ERN2: variants seen among roughly 807,000 people sequenced by gnomAD.
ERN2 encodes the protein serine/threonine-protein kinase/endoribonuclease IRE2.
ERN2 carries 111 observed loss-of-function variants against 107.9 expected under a neutral mutation model. The ratio of observed to expected loss-of-function variants is 1.03; its 90% CI spans 0.88 to 1.20. The LOEUF (loss-of-function observed/expected upper bound fraction) is 1.20, where lower values mean the gene tolerates loss of function less well. Among genes scored for constraint, ERN2 ranks in the 50% most tolerant of loss-of-function variants. The pLI, the probability that ERN2 is intolerant of heterozygous loss-of-function variation, is 0.00. For synonymous variants in ERN2, 524 were observed against 501.7 expected (o/e 1.04, Z -0.59); for missense variants, 1,225 against 1,197.9 (o/e 1.02, Z -0.33).
chr16:23,707,147 G>T, intron 4 of ERN2, 68 bp from the exon 5 acceptor site: 1 of 1,110,654 alleles, frequency 9.0e-7, no homozygotes, highest in Non-Finnish European at 1.4e-6. Flanking sequence ...TGCCAGGTGA[G>T]CCCATTTCCA....
Position 23,706,879 on chromosome 16 carries a change from G to A in ERN2, c.380-18C>T. On this transcript the variant is annotated intron_variant, in intron 5 of 21. Coordinates refer to ENST00000256797, the MANE Select transcript of ERN2 (RefSeq NM_033266.4). Reference sequence around the variant, plus strand: ...CTTCCGGCCTGTGGAGGTGGAAAGTGTGTTAGCTCTCAAGTTGGCATGGGA... The same window carrying A: ...CTTCCGGCCTGTGGAGGTGGAAAGTATGTTAGCTCTCAAGTTGGCATGGGA... 1 of 1,604,098 alleles carries A rather than the reference G, an allele frequency of 6.2e-7. No individual in the cohort carries two copies. The highest frequency in any genetic ancestry group is 1.3e-5 in the African/African-American group (1 of 74,858).
intron 17 of ERN2, among the ~76,000 whole-genome samples, chr16:23,693,965 C>T (rs1461744103): frequency 6.6e-6 from 1 of 152,108 alleles, no homozygotes; most frequent in Non-Finnish European, 1.5e-5. Context: ...GTAAAAATCA[C>T]GGGGTGTGGG....
chr16:23,702,822 C>G (rs1960145112), intron 8 of ERN2, 120 bp from the exon 9 acceptor site: 2 of 859,918 alleles, frequency 2.3e-6, no homozygotes, highest in Non-Finnish European at 3.8e-6. Flanking sequence ...AGCCATGAGA[C>G]TTGCTTTAAT....
rs953999430 is a variant in ERN2, at chr16:23,695,214, C to T, written c.1786G>A (p.Ala596Thr). Residue 596 changes from alanine (A) to threonine (T), a missense_variant, in exon 15 of 22, where the codon GCC (alanine) becomes ACC (threonine). Physicochemically the swap from Ala to Thr is moderately conservative, Grantham distance 58 (BLOSUM62 0). Transcript: ENST00000256797. ...FHYIALELCRASLQEYVENPD... is the reference protein window; with the variant it reads ...FHYIALELCRTSLQEYVENPD... ...ATGCAACTCACCTCCTGCAAGGAGG[C>T]CCGGCAGAGCTCCAGGGCAATGTAG... The T allele has an allele frequency of 6.8e-6, 11 of 1,613,986 alleles. No homozygotes were observed. In the Admixed American group the frequency reaches 1.2e-4, roughly 17 times the overall value.
At position 23,690,866 on chromosome 16, in the gene ERN2, CCT is replaced by C; in HGVS notation, c.2744_2745del (p.Glu915GlyfsTer30). 1.2e-6 allele frequency: 2 copies of C among 1,613,264 alleles called. No individual in the cohort carries two copies. Among genetic ancestry groups the C allele is most frequent in the Non-Finnish European group, 1.7e-6 (2 of 1,180,030 alleles). ...LFLPYYPPDS[E>X]ARRPCPGATG... ...GTGGCCCCAGGGCATGGCCTCCTGGCCTCTGAGTCTGGCGGGTAGTAGGGCAG... is the reference window on the plus strand; with the variant it reads ...GTGGCCCCAGGGCATGGCCTCCTGGCCTGAGTCTGGCGGGTAGTAGGGCAG... On this transcript the variant is annotated frameshift_variant, in exon 22 of 22. Transcript: ENST00000256797. LOFTEE classifies it low-confidence loss of function (END_TRUNC).
chr16:23,702,233 C>CA lies in ERN2; in HGVS notation c.1121dup (p.Arg375GlufsTer63), dbSNP rs758081600. 1 of 1,614,174 alleles carries CA rather than the reference C, an allele frequency of 6.2e-7. No homozygotes were observed. The highest frequency in any genetic ancestry group is 1.1e-5 in the South Asian group (1 of 91,080). On this transcript the variant is annotated frameshift_variant, in exon 11 of 22. Transcript: ENST00000256797. LOFTEE classifies it high-confidence loss of function. ...CACTCCCCAGGGTGGGATGGACCCTCAGCATGGTGGTGTGCAGGACTGGGG... is the reference window on the plus strand; with the variant it reads ...CACTCCCCAGGGTGGGATGGACCCTCAAGCATGGTGGTGTGCAGGACTGGGG...
intron 17 of ERN2, among the ~76,000 whole-genome samples, chr16:23,692,822 G>T (rs562435152): frequency 5.3e-5 from 8 of 152,024 alleles, no homozygotes; most frequent in Non-Finnish European, 1.0e-4. Flanking sequence ...AAACTCCTGG[G>T]CTCAAGCAAT....
In ERN2 at chr16:23,702,686, C is replaced by T. The variant is rs1960137296; in HGVS notation, c.871G>A (p.Gly291Arg). ...ACATAGAAGCCAGTTTCATCCTTCC[C>T]CACATACAGCGTCATTCTAGTGGGA... ...DTQLLMTLYVGKDETGFYVSK... is the reference protein window; with the variant it reads ...DTQLLMTLYVRKDETGFYVSK... The change falls in exon 9 of 22, where the codon GGG becomes AGG. Residue 291 changes from glycine to arginine, a missense_variant. By Grantham distance (125) the Gly-to-Arg change is moderately radical. Coordinates refer to ENST00000256797, the MANE Select transcript of ERN2 (RefSeq NM_033266.4). The T allele has an allele frequency of 3.7e-6, 6 of 1,614,112 alleles. No individual in the cohort carries two copies. Among genetic ancestry groups the T allele is most frequent in the Non-Finnish European group, 5.1e-6 (6 of 1,179,940 alleles).
Position 23,691,344 on chromosome 16 carries a change from G to T in ERN2, c.2458C>A (p.Arg820=). 1 of 1,606,384 alleles carries T rather than the reference G, an allele frequency of 6.2e-7. No individual in the cohort carries two copies. Residue 820 remains arginine, a synonymous_variant, in exon 20 of 22, where the codon CGG becomes AGG. Coordinates refer to ENST00000256797, the MANE Select transcript of ERN2 (RefSeq NM_033266.4). Reference sequence around the variant, plus strand: ...GAGATGTGCTCGTGCCAGTTGTCCCGGACCACTGCGCAGCCTCCCGCCTCC... The same window carrying T: ...GAGATGTGCTCGTGCCAGTTGTCCCTGACCACTGCGCAGCCTCCCGCCTCC... ...ALEAGGCAVV[R]DNWHEHISMP...
rs1489584018 is a variant in ERN2 at position 23,691,175 on chromosome 16, T to C, written c.2522A>G (p.Tyr841Cys). The stretch of plus-strand genomic sequence containing the variant: ...CAGGTCTCGCACTGATGTCCCCTTA[T>C]AGGACCGGAACTTTCTCAGATCTGT... ...LQTDLRKFRS[Y>C]KGTSVRDLLR... is the part of the protein sequence containing the mutation. The change falls in exon 21 of 22, where the codon TAT (tyrosine) becomes TGT (cysteine). Residue 841 changes from tyrosine (Y) to cysteine (C), a missense_variant. By Grantham distance (194) the Tyr-to-Cys change is radical. Transcript: ENST00000256797. 7 of 1,613,886 alleles carry C rather than the reference T, an allele frequency of 4.3e-6. No homozygotes were observed. The African/African-American group carries it at 5.3e-5, about 12-fold the overall frequency.
Position 23,713,121 on chromosome 16 carries a change from G to T in ERN2, c.67C>A (p.Leu23Met). 6.3e-7 allele frequency: 1 copy of T among 1,576,436 alleles called. No individual in the cohort carries two copies. ...RLGLQLQFAA[L>M]LLGTLSPQVH... ...TGTGGACTCAGCGTCCCGAGCAGCA[G>T]CGCCGCGAACTGGAGCTGGAGCCCC... The change falls in exon 1 of 22, where the codon CTG (leucine) becomes ATG (methionine). Residue 23 changes from leucine to methionine, a missense_variant. Leu to Met is a conservative substitution (Grantham distance 15, BLOSUM62 2). Transcript: ENST00000256797.
intron 17 of ERN2, among the ~76,000 whole-genome samples, chr16:23,693,018 C>G (rs929436111): frequency 2.0e-5 from 3 of 151,040 alleles, no homozygotes; most frequent in African/African-American, 7.3e-5. Context: ...TGGAATTTCT[C>G]AAATGTTAAA....
At chr16:23,702,360 C>T (rs1377033626) in intron 10 of ERN2, 30 bp downstream of exon 10, 1 of 1,611,150 alleles carries the variant, frequency 6.2e-7, no homozygotes. Context: ...TTATCTTCAT[C>T]TACTCCCAAT....
At chr16:23,699,493 A>G (rs1425829261) in intron 13 of ERN2, among the ~76,000 whole-genome samples, 6 of 152,188 alleles carry the variant, frequency 3.9e-5, no homozygotes, top group Admixed American at 2.0e-4. Flanking sequence ...AAAGATTCAC[A>G]GCTCACTGCA....
chr16:23,705,683 C>T (rs1960276144), intron 7 of ERN2, among the ~76,000 whole-genome samples: 1 of 152,084 alleles, frequency 6.6e-6, no homozygotes, highest in African/African-American at 2.4e-5. Flanking sequence ...GAAGCCAAGA[C>T]AGGAGGATTA....
At position 23,710,221 on chromosome 16, in the gene ERN2, G is replaced by C. The variant is rs550539237; in HGVS notation, c.257C>G (p.Ala86Gly). 14 of 1,613,844 alleles carry C rather than the reference G, an allele frequency of 8.7e-6. No individual in the cohort carries two copies. The highest frequency in any genetic ancestry group is 1.0e-5 in the Non-Finnish European group (12 of 1,179,758). Residue 86 changes from alanine to glycine, a missense_variant, in exon 4 of 22, where the codon GCA becomes GGA. Coordinates refer to ENST00000256797, the MANE Select transcript of ERN2 (RefSeq NM_033266.4). ...VTEMAFLSDPADGSLYILGTQ... is the reference protein window; with the variant it reads ...VTEMAFLSDPGDGSLYILGTQ... ...CCCCAAGATGTACAGGCTGCCATCT[G>C]CTGGGTCAGAGAGAAAGGCCATTCT...
intron 17 of ERN2, among the ~76,000 whole-genome samples, chr16:23,692,800 C>T (rs1959651356): frequency 6.6e-6 from 1 of 151,816 alleles, no homozygotes; most frequent in African/African-American, 2.4e-5. Flanking sequence ...AACCACAGCT[C>T]ACTGTAACCT....
intron 13 of ERN2, among the ~76,000 whole-genome samples, chr16:23,698,074 C>G (rs1342195132): frequency 6.6e-6 from 1 of 152,196 alleles, no homozygotes; most frequent in Non-Finnish European, 1.5e-5. Flanking sequence ...TCAGAATTAC[C>G]TCTGGAAATC....
intron 17 of ERN2, among the ~76,000 whole-genome samples, chr16:23,693,786 C>T (rs1482852063): frequency 6.6e-6 from 1 of 152,172 alleles, no homozygotes; most frequent in Middle Eastern, 3.4e-3. Flanking sequence ...AACTTCCGCC[C>T]ACACACTGTG....
Sources: allele counts gnomAD v4.1 joint callset (sites outside exome capture counted in the v4.1 genomes callset), GRCh38; gene constraint gnomAD v4.1.1; transcripts MANE v1.5; gene names NCBI Gene and HGNC (gene_info 2026-07-23, HGNC 2026-07-21).